Variants in AKNAD1 observed in about 807,000 individuals in gnomAD.
AKNAD1 encodes protein AKNAD1.
A neutral mutation model predicts 90.8 loss-of-function variants in AKNAD1; 67 were observed. The ratio of observed to expected loss-of-function variants is 0.74; its 90% CI spans 0.61 to 0.90. The LOEUF (loss-of-function observed/expected upper bound fraction) is 0.90, where lower values mean the gene tolerates loss of function less well. AKNAD1 is among the 40% of genes least tolerant of loss of function. AKNAD1 has a pLI of 0.00. For synonymous variants in AKNAD1, 327 were observed against 341.4 expected (o/e 0.96, Z 0.46); for missense variants, 957 against 975.4 (o/e 0.98, Z 0.25).
At chr1:108,835,680 A>G (rs1415069095) in intron 7 of AKNAD1, among the ~76,000 whole-genome samples, 1 of 150,796 alleles carries the variant, frequency 6.6e-6, no homozygotes, top group Non-Finnish European at 1.5e-5. Context: ...ACTGGAGTGC[A>G]ATGGCGCAAT....
Position 108,849,542 on chromosome 1 carries a change from A to T in AKNAD1, c.1028T>A (p.Leu343His). ...AAGTTTTAAAACATTAGTACCTGTG[A>T]GAAGTTCTTGGTGGATATGTACTAT... ...EPIVHIHQELLTGIESEASLS... is the reference protein window; with the variant it reads ...EPIVHIHQELHTGIESEASLS... Residue 343 changes from leucine (L) to histidine (H), a missense_variant, in exon 3 of 16, where the codon CTC becomes CAC. Transcript: ENST00000370001. The T allele has an allele frequency of 6.3e-7, 1 of 1,587,090 alleles. No individual in the cohort carries two copies. Among genetic ancestry groups the T allele is most frequent in the South Asian group, 1.1e-5 (1 of 90,512 alleles).
chr1:108,828,916 G>A (rs756568318), intron 10 of AKNAD1, among the ~76,000 whole-genome samples: 6 of 151,746 alleles, frequency 4.0e-5, no homozygotes, highest in Non-Finnish European at 8.8e-5. Context: ...ACAAGACAAA[G>A]CAGCTAAAGT....
rs1411180719 is a variant in AKNAD1 at position 108,852,033 on chromosome 1, T to C, written c.632A>G (p.Asn211Ser). The change falls in exon 2 of 16, where the codon AAT (asparagine) becomes AGT (serine). Residue 211 changes from asparagine (N) to serine (S), a missense_variant. Coordinates refer to ENST00000370001, the MANE Select transcript of AKNAD1 (RefSeq NM_152763.5). ...VAAGDSSHQE[N>S]VNVLTKTKGP... ...CTTGGTTTTAGTTAGAACATTCACA[T>C]TTTCTTGATGGCTGCTATCTCCAGC... The C allele has an allele frequency of 5.6e-6, 9 of 1,613,960 alleles. No individual in the cohort carries two copies. In the African/African-American group the frequency reaches 1.2e-4, roughly 22 times the overall value.
chr1:108,827,536 C>T (rs1287136144), intron 10 of AKNAD1, among the ~76,000 whole-genome samples: 1 of 151,428 alleles, frequency 6.6e-6, no homozygotes, highest in Non-Finnish European at 1.5e-5. Context: ...CAAGACAGGC[C>T]AGGCGCGGTG....
intron 7 of AKNAD1, chr1:108,837,303 T>A: frequency 2.6e-6 from 1 of 385,046 alleles, no homozygotes; most frequent in East Asian, 4.0e-5. Flanking sequence ...TCTTCGGTGG[T>A]TTAATGGATT....
At chr1:108,825,319 A>G (rs1157555682) in intron 11 of AKNAD1, among the ~76,000 whole-genome samples, 1 of 151,652 alleles carries the variant, frequency 6.6e-6, no homozygotes, top group African/African-American at 2.4e-5. Context: ...ACTTTGTTAC[A>G]CAGCTATAGA....
At chr1:108,848,880 A>G in intron 4 of AKNAD1, 32 bp downstream of exon 4, 1 of 1,600,608 alleles carries the variant, frequency 6.2e-7, no homozygotes, top group Non-Finnish European at 8.5e-7. Flanking sequence ...TTGGTTACTT[A>G]TATTGTTTAT....
intron 1 of AKNAD1, among the ~76,000 whole-genome samples, chr1:108,854,987 T>C (rs1373062207): frequency 6.6e-6 from 1 of 152,184 alleles, no homozygotes; most frequent in Non-Finnish European, 1.5e-5. Flanking sequence ...AAGAATTCCA[T>C]ACATTGTTGT....
At chr1:108,830,917 T>C (rs1304707909) in intron 9 of AKNAD1, among the ~76,000 whole-genome samples, 1 of 152,250 alleles carries the variant, frequency 6.6e-6, no homozygotes, top group Non-Finnish European at 1.5e-5. Context: ...GTTTCCACCC[T>C]GGCTTGCTTC....
rs551698963 is a variant in AKNAD1, at chr1:108,817,481, T to C, written c.2250-304A>G. 854 of 100,790 alleles carry C rather than the reference T, an allele frequency of 8.5e-3. 5 individuals are homozygous for C. Among genetic ancestry groups the C allele is most frequent in the African/African-American group, 0.031 (818 of 26,212 alleles). The allele number at this position is 100,790 out of a possible 1,614,324, so 6.2% of individuals were successfully genotyped here. A position where few individuals can be genotyped will look rare whatever the true frequency, so the allele number is the denominator to read the frequency against. ...GTTTTCATTCTTTTGGGGCCAACTTTCTTTTTTTTTTTTTAATTTTTTTTT... is the reference window on the plus strand; with the variant it reads ...GTTTTCATTCTTTTGGGGCCAACTTCCTTTTTTTTTTTTTAATTTTTTTTT... On this transcript the variant is annotated intron_variant, in intron 14 of 15. Coordinates refer to ENST00000370001, the MANE Select transcript of AKNAD1 (RefSeq NM_152763.5).
At chr1:108,831,680 G>C (rs866622499) in intron 9 of AKNAD1, among the ~76,000 whole-genome samples, 10 of 144,304 alleles carry the variant, frequency 6.9e-5, no homozygotes, top group Middle Eastern at 3.7e-3. Flanking sequence ...GTCTCACTCT[G>C]TTGCCCAGGC....
At position 108,833,570 on chromosome 1, in the gene AKNAD1, G is replaced by A. The variant is rs187299479; in HGVS notation, c.1746+877C>T. On this transcript the variant is annotated intron_variant, in intron 9 of 15. Transcript: ENST00000370001. Reference sequence around the variant, plus strand: ...TGCACTCCAGCCTGGACAACAAAGCGAGACTGTCTCAAAAAAAAAAAATTA... The same window carrying A: ...TGCACTCCAGCCTGGACAACAAAGCAAGACTGTCTCAAAAAAAAAAAATTA... 6.6e-5 allele frequency among the ~76,000 whole-genome samples: 10 copies of A among 151,048 alleles called. No individual in the cohort carries two copies. In the East Asian group the frequency reaches 7.7e-4, roughly 12 times the overall value.
chr1:108,843,249 C>T lies in AKNAD1; in HGVS notation c.1264G>A (p.Gly422Arg). 6.2e-7 allele frequency: 1 copy of T among 1,613,912 alleles called. No individual in the cohort carries two copies. The highest frequency in any genetic ancestry group is 8.5e-7 in the Non-Finnish European group (1 of 1,179,948). ...DKKLVLEKLQ[G>R]HLELLEQNFL... Reference sequence around the variant, plus strand: ...TTCTGCTCCAGCAGTTCAAGGTGTCCCTGCAGTTTCTCCAGGACCTGCAGC... The same window carrying T: ...TTCTGCTCCAGCAGTTCAAGGTGTCTCTGCAGTTTCTCCAGGACCTGCAGC... Residue 422 changes from glycine to arginine, a missense_variant, in exon 6 of 16, where the codon GGA (glycine) becomes AGA (arginine). By Grantham distance (125) the Gly-to-Arg change is moderately radical. Coordinates refer to ENST00000370001, the MANE Select transcript of AKNAD1 (RefSeq NM_152763.5).
In AKNAD1 at chr1:108,834,548, AG is replaced by A; in HGVS notation, c.1665-21del. The A allele has an allele frequency of 8.2e-7, 1 of 1,217,970 alleles. No homozygotes were observed. Among genetic ancestry groups the A allele is most frequent in the Non-Finnish European group, 1.2e-6 (1 of 866,284 alleles). The allele number at this position is 1,217,970 out of a possible 1,614,324, so 75.4% of individuals were successfully genotyped here. A position where few individuals can be genotyped will look rare whatever the true frequency, so the allele number is the denominator to read the frequency against. On this transcript the variant is annotated intron_variant, in intron 8 of 15. Transcript: ENST00000370001. Reference sequence around the variant, plus strand: ...AGGTAACTAATTTAAAAAAAAAAAAAGCAGTTTGAATGTTAGAATCAGTTCT... The same window carrying A: ...AGGTAACTAATTTAAAAAAAAAAAAACAGTTTGAATGTTAGAATCAGTTCT...
chr1:108,820,177 C>T (rs944137572), intron 14 of AKNAD1, among the ~76,000 whole-genome samples: 2 of 152,146 alleles, frequency 1.3e-5, no homozygotes, highest in Non-Finnish European at 2.9e-5. Flanking sequence ...GATCCCCTTG[C>T]TAGTTCGTTC....
At chr1:108,819,479 C>G (rs995616879) in intron 14 of AKNAD1, among the ~76,000 whole-genome samples, 1 of 149,282 alleles carries the variant, frequency 6.7e-6, no homozygotes, top group Admixed American at 6.7e-5. Context: ...AAGTAGCTAG[C>G]TGTGGTATCA....
Position 108,816,037 on chromosome 1 carries a change from C to T in AKNAD1, c.*134G>A. ...TTTCCTTTAAGTACTTTGTGTTACC[C>T]ATTTCTTATGGTTTCTGTGTTTTCT... is the stretch of plus-strand genomic sequence containing the variant. On this transcript the variant is annotated 3_prime_UTR_variant, in exon 16 of 16. Transcript: ENST00000370001. 1 of 892,320 alleles carries T rather than the reference C, an allele frequency of 1.1e-6. No homozygotes were observed. The highest frequency in any genetic ancestry group is 1.6e-6 in the Non-Finnish European group (1 of 636,550). The allele number at this position is 892,320 out of a possible 1,614,324, so 55.3% of individuals were successfully genotyped here.
At chr1:108,837,792 A>C in intron 6 of AKNAD1, 86 bp from the exon 7 acceptor site, 14 of 1,390,212 alleles carry the variant, frequency 1.0e-5, no homozygotes, top group Non-Finnish European at 1.3e-5. Context: ...TACAGCATTG[A>C]TTTATATTAT....
intron 6 of AKNAD1, among the ~76,000 whole-genome samples, chr1:108,839,476 A>AAAAAAAGAAAAAAAAAAAAAG (rs1454635672): frequency 6.6e-6 from 1 of 151,632 alleles, no homozygotes; most frequent in African/African-American, 2.4e-5. Flanking sequence ...CTCAATAAAA[A>AAAAAAAGAAAAAAAAAAAAAG]AAAAAAGAAA....
Sources: gnomAD v4.1 joint callset for allele counts (sites outside exome capture counted in the v4.1 genomes callset) on GRCh38, gnomAD v4.1.1 for gene constraint, MANE v1.5 for transcripts, NCBI Gene and HGNC (gene_info 2026-07-23, HGNC 2026-07-21) for gene names.